CDH4: variants seen among roughly 807,000 people sequenced by gnomAD.
CDH4 encodes the protein cadherin-4.
CDH4 carries 33 observed loss-of-function variants against 86.0 expected under a neutral mutation model. The observed-to-expected ratio is 0.38, with a 90% CI of 0.29 to 0.51. The LOEUF is 0.51. Among genes scored for constraint, CDH4 ranks in the 20% least tolerant of loss-of-function variants. The pLI, the probability that CDH4 is intolerant of heterozygous loss-of-function variation, is 0.86. For missense variants in CDH4, 1,114 were observed against 1,307.4 expected (o/e 0.85, Z 2.28); for synonymous variants, 555 against 549.4 (o/e 1.01, Z -0.14).
intron 2 of CDH4, among the ~76,000 whole-genome samples, chr20:61,546,237 G>GT (rs372816029): frequency 1.1e-4 from 17 of 151,372 alleles, no homozygotes; most frequent in African/African-American, 4.1e-4. Context: ...GTGCATGTGT[G>GT]TGGGGGTATG....
intron 2 of CDH4, among the ~76,000 whole-genome samples, chr20:61,691,321 G>A (rs1444276855): frequency 6.6e-6 from 1 of 151,998 alleles, no homozygotes; most frequent in East Asian, 1.9e-4. Context: ...GGATGTGTGT[G>A]TGCAAGTGGA....
rs556932686 is a variant in CDH4 at position 61,398,624 on chromosome 20, C to T, written c.169+143687C>T. Among the ~76,000 whole-genome samples the T allele has an allele frequency of 1.1e-4, 16 of 152,016 alleles. No homozygotes were observed. In the South Asian group the frequency reaches 3.3e-3, roughly 32 times the overall value. On this transcript the variant is annotated intron_variant, in intron 2 of 15. Coordinates refer to ENST00000614565, the MANE Select transcript of CDH4 (RefSeq NM_001794.5). ...TTTCTTAAAGCCTCAACTGATTGGA[C>T]AAGGCGCACCCACACCATGGAGTTT...
intron 4 of CDH4, among the ~76,000 whole-genome samples, chr20:61,822,719 G>C (rs1981111962): frequency 6.6e-6 from 1 of 152,162 alleles, no homozygotes; most frequent in African/African-American, 2.4e-5. Flanking sequence ...GCGGGAAAAG[G>C]TCAATTTTCA....
chr20:61,402,422 T>C (rs968268188), intron 2 of CDH4, among the ~76,000 whole-genome samples: 1 of 152,054 alleles, frequency 6.6e-6, no homozygotes, highest in Non-Finnish European at 1.5e-5. Context: ...TGAGGCAGAG[T>C]CTCACTCTGT....
At chr20:61,428,784 G>A (rs1340489146) in intron 2 of CDH4, among the ~76,000 whole-genome samples, 1 of 151,956 alleles carries the variant, frequency 6.6e-6, no homozygotes, top group African/African-American at 2.4e-5. Context: ...ATATGTATAT[G>A]TATACTTTAA....
chr20:61,394,844 G>A (rs1159289550), intron 2 of CDH4, among the ~76,000 whole-genome samples: 6 of 139,918 alleles, frequency 4.3e-5, no homozygotes, highest in East Asian at 2.1e-4. Context: ...GGCACCTGTC[G>A]TTTGGAAGCA....
chr20:61,524,475 T>C (rs1008790217), intron 2 of CDH4, among the ~76,000 whole-genome samples: 5 of 151,068 alleles, frequency 3.3e-5, no homozygotes, highest in Non-Finnish European at 7.4e-5. Context: ...TTGCAACTTC[T>C]ATGAATATTA....
At chr20:61,683,160 G>T (rs1252321561) in intron 2 of CDH4, among the ~76,000 whole-genome samples, 1 of 152,192 alleles carries the variant, frequency 6.6e-6, no homozygotes, top group Non-Finnish European at 1.5e-5. Flanking sequence ...TATAGGCTGT[G>T]TGTGAATGTG....
intron 2 of CDH4, among the ~76,000 whole-genome samples, chr20:61,611,781 TG>T: frequency 6.6e-6 from 1 of 152,064 alleles, no homozygotes; most frequent in South Asian, 2.1e-4. Context: ...CTCAGTGGGG[TG>T]GATCAGCCAC....
chr20:61,295,729 G>A (rs565791676), intron 2 of CDH4, among the ~76,000 whole-genome samples: 29 of 152,328 alleles, frequency 1.9e-4, no homozygotes, highest in Admixed American at 1.4e-3. Flanking sequence ...GGGGAAAAGC[G>A]GGGAAGGAGG....
At chr20:61,746,568 C>G (rs112629571) in intron 3 of CDH4, among the ~76,000 whole-genome samples, 1 of 152,170 alleles carries the variant, frequency 6.6e-6, no homozygotes, top group Admixed American at 6.5e-5. Flanking sequence ...TATGGCAGAG[C>G]CCGGCATGGC....
At chr20:61,498,577 A>G (rs765626660) in intron 2 of CDH4, among the ~76,000 whole-genome samples, 16 of 152,176 alleles carry the variant, frequency 1.1e-4, no homozygotes, top group African/African-American at 1.7e-4. Context: ...TCCTGTTACA[A>G]TCTGCAGGTG....
intron 2 of CDH4, among the ~76,000 whole-genome samples, chr20:61,278,623 G>A (rs1221973941): frequency 6.6e-6 from 1 of 152,236 alleles, no homozygotes; most frequent in East Asian, 1.9e-4. Flanking sequence ...TCCCTGAAGT[G>A]TCTACAATAA....
At chr20:61,275,000 TGGGGAAGCACCATGCGCAGTTA>T (rs2084219227) in intron 2 of CDH4, among the ~76,000 whole-genome samples, 1 of 135,770 alleles carries the variant, frequency 7.4e-6, no homozygotes. Context: ...ATGTGCAGTT[TGGGGAAGCACCATGCGCAGTTA>T]GGGAGAGCAC....
chr20:61,553,876 A>C (rs1007713506), intron 2 of CDH4, among the ~76,000 whole-genome samples: 1 of 152,176 alleles, frequency 6.6e-6, no homozygotes. Flanking sequence ...TTCCCTCCAA[A>C]ATGAGTCATG....
rs2085768651 is a variant in CDH4, at chr20:61,510,073, G to C, written c.170-233490G>C. The stretch of plus-strand genomic sequence containing the variant: ...TGCATCTATATTCAGCATTTGAAAT[G>C]TTCTATTGAAAGTCTATGTAACTCT... On this transcript the variant is annotated intron_variant, in intron 2 of 15. Coordinates refer to ENST00000614565, the MANE Select transcript of CDH4 (RefSeq NM_001794.5). This position sits in a 1 kb window ranked among gnomAD's most constrained non-coding sequence, Gnocchi z 4.2. Among the ~76,000 whole-genome samples, 1 of 152,224 alleles carries C rather than the reference G, an allele frequency of 6.6e-6. No individual in the cohort carries two copies. Among genetic ancestry groups the C allele is most frequent in the Admixed American group, 6.5e-5 (1 of 15,288 alleles).
intron 2 of CDH4, among the ~76,000 whole-genome samples, chr20:61,447,744 C>T (rs915698635): frequency 1.3e-5 from 2 of 150,128 alleles, no homozygotes; most frequent in African/African-American, 4.9e-5. Flanking sequence ...ACTTGGATGG[C>T]GAGGACGAGA....
intron 2 of CDH4, among the ~76,000 whole-genome samples, chr20:61,361,188 T>C (rs575692060): frequency 3.3e-5 from 5 of 152,240 alleles, no homozygotes; most frequent in African/African-American, 4.8e-5. Context: ...AGGGTTGCCC[T>C]TTCTGGCAAC....
chr20:61,254,795 T>C (rs994208317), intron 1 of CDH4, 31 bp from the exon 2 acceptor site: 12 of 1,301,240 alleles, frequency 9.2e-6, no homozygotes, highest in African/African-American at 2.9e-5. Context: ...TGTGAACTTA[T>C]TGTTTTACAC....
Sources: gnomAD v4.1 joint callset for allele counts (sites outside exome capture counted in the v4.1 genomes callset) on GRCh38, gnomAD v4.1.1 for gene constraint, Gnocchi (gnomAD v3.1) non-coding constraint, MANE v1.5 for transcripts, NCBI Gene and HGNC (gene_info 2026-07-23, HGNC 2026-07-21) for gene names.